The following HYCC1 variants were observed in gnomAD, a reference collection of about 807,000 sequenced individuals.
The protein encoded by HYCC1 is hyccin PI4KA lipid kinase complex subunit 1.
chr7:22,981,369 A>G, the HYCC1 span, among the ~76,000 whole-genome samples: 52,709 of 152,098 alleles, frequency 0.35, 9,208 homozygotes, highest in East Asian at 0.47. Flanking sequence ...ACAATATCTC[A>G]AATTTCAAAA....
chr7:22,951,381 T>C, the HYCC1 span, among the ~76,000 whole-genome samples: 1 of 151,932 alleles, frequency 6.6e-6, no homozygotes, highest in Non-Finnish European at 1.5e-5. Flanking sequence ...CATCTGGCTC[T>C]GACATGGGGT....
the HYCC1 span, chr7:22,940,887 G>C: frequency 2.7e-5 from 4 of 150,602 alleles, no homozygotes; most frequent in African/African-American, 9.8e-5. Flanking sequence ...TCCTGGGCTC[G>C]AGTGAACCTC....
chr7:22,980,008 T>A, the HYCC1 span, among the ~76,000 whole-genome samples: 2 of 152,074 alleles, frequency 1.3e-5, no homozygotes, highest in African/African-American at 4.8e-5. Context: ...GGGTAAAATA[T>A]CATTATCCAC....
the HYCC1 span, among the ~76,000 whole-genome samples, chr7:23,010,863 C>T: frequency 6.6e-6 from 1 of 152,068 alleles, no homozygotes; most frequent in East Asian, 1.9e-4. Flanking sequence ...TCATTTTCTC[C>T]CTTCTTTATT....
chr7:23,003,719 C>T, the HYCC1 span, among the ~76,000 whole-genome samples: 2 of 152,140 alleles, frequency 1.3e-5, no homozygotes, highest in Admixed American at 6.5e-5. Context: ...GGAGTCGCTG[C>T]CCTTTAATAT....
chr7:22,996,558 T>A, the HYCC1 span, among the ~76,000 whole-genome samples: 6 of 129,642 alleles, frequency 4.6e-5, no homozygotes, highest in Admixed American at 8.1e-5. Context: ...CTAGCTGACA[T>A]AAGCTTTTCT....
chr7:22,955,074 G>A, the HYCC1 span, among the ~76,000 whole-genome samples: 9 of 151,610 alleles, frequency 5.9e-5, no homozygotes, highest in African/African-American at 2.2e-4. Context: ...TAAAGTTAGA[G>A]TACTATACTC....
the HYCC1 span, among the ~76,000 whole-genome samples, chr7:22,933,600 T>C: frequency 6.6e-6 from 1 of 152,182 alleles, no homozygotes; most frequent in African/African-American, 2.4e-5. Flanking sequence ...GTAGTCACCA[T>C]ATAGTTTGAT....
chr7:22,898,892 C>T, the HYCC1 span, among the ~76,000 whole-genome samples: 34 of 152,204 alleles, frequency 2.2e-4, no homozygotes, highest in Admixed American at 6.5e-5. Context: ...TGAACCACCC[C>T]GCCCGGCTGG....
chr7:22,977,427 G>GA, the HYCC1 span: 1 of 1,480,630 alleles, frequency 6.8e-7, no homozygotes, highest in South Asian at 1.2e-5. Flanking sequence ...ATTTCCTATA[G>GA]AAGTGAAAGA....
the HYCC1 span, among the ~76,000 whole-genome samples, chr7:22,923,768 T>C: frequency 3.3e-5 from 5 of 151,952 alleles, no homozygotes; most frequent in East Asian, 3.8e-4. Flanking sequence ...AATAATTACA[T>C]GGAAATACTA....
the HYCC1 span, among the ~76,000 whole-genome samples, chr7:23,011,380 A>T: frequency 2.6e-5 from 4 of 152,088 alleles, no homozygotes; most frequent in African/African-American, 7.2e-5. Context: ...CCTCAAATTC[A>T]AAATAGCCAA....
the HYCC1 span, among the ~76,000 whole-genome samples, chr7:22,915,927 C>A: frequency 6.6e-6 from 1 of 152,052 alleles, no homozygotes; most frequent in African/African-American, 2.4e-5. Context: ...TACAACCACA[C>A]CTCATTGTTG....
chr7:22,920,680 C>T, the HYCC1 span, among the ~76,000 whole-genome samples: 10 of 152,116 alleles, frequency 6.6e-5, no homozygotes, highest in Non-Finnish European at 1.2e-4. Context: ...CATGAAAAAA[C>T]AAAAAGTATG....
chr7:22,964,955 A>C, the HYCC1 span, among the ~76,000 whole-genome samples: 3 of 152,104 alleles, frequency 2.0e-5, no homozygotes, highest in African/African-American at 7.2e-5. Context: ...TCAATATGGT[A>C]AAACCCTGTC....
At chr7:22,959,456 C>T in the HYCC1 span, among the ~76,000 whole-genome samples, 7 of 152,242 alleles carry the variant, frequency 4.6e-5, no homozygotes, top group African/African-American at 1.7e-4. Context: ...TTTTGTTTTA[C>T]CTCTAATATA....
chr7:22,951,582 A>G, the HYCC1 span, among the ~76,000 whole-genome samples: 2 of 151,928 alleles, frequency 1.3e-5, no homozygotes, highest in Non-Finnish European at 2.9e-5. Context: ...ACCAGAACAA[A>G]TATCCTTTAA....
the HYCC1 span, among the ~76,000 whole-genome samples, chr7:22,910,347 TG>T: frequency 6.6e-6 from 1 of 152,184 alleles, no homozygotes; most frequent in African/African-American, 2.4e-5. Context: ...TCTCATGCCA[TG>T]TGACATGCCT....
chr7:22,984,033 T>G, the HYCC1 span: 2 of 1,584,174 alleles, frequency 1.3e-6, no homozygotes, highest in Non-Finnish European at 1.7e-6. Context: ...GGTAAAGATG[T>G]TTCTGGTAAT....
Sources: allele counts gnomAD v4.1 joint callset (sites outside exome capture counted in the v4.1 genomes callset), GRCh38; gene constraint gnomAD v4.1.1; transcripts MANE v1.5; gene names NCBI Gene and HGNC (gene_info 2026-07-23, HGNC 2026-07-21).